Variants in FANCD2OS observed in about 807,000 individuals in gnomAD.
FANCD2OS encodes the protein FANCD2 opposite strand protein.
FANCD2OS carries 11 observed loss-of-function variants against 13.2 expected under a neutral mutation model. The ratio of observed to expected loss-of-function variants is 0.83; its 90% CI spans 0.52 to 1.38. The LOEUF (loss-of-function observed/expected upper bound fraction) is 1.38, where lower values mean the gene tolerates loss of function less well. FANCD2OS is among the 40% of genes most tolerant of loss of function. FANCD2OS has a pLI of 0.00. For missense variants in FANCD2OS, 217 were observed against 213.9 expected (o/e 1.01, Z -0.09); for synonymous variants, 69 against 84.5 (o/e 0.82, Z 1.01).
At chr3:10,090,210 C>A in intron 2 of FANCD2OS, 1 of 966,290 alleles carries the variant, frequency 1.0e-6, no homozygotes, top group Non-Finnish European at 1.7e-6. Context: ...GGGAAGGAAG[C>A]TACTTTTGGT....
intron 2 of FANCD2OS, among the ~76,000 whole-genome samples, chr3:10,084,701 A>G (rs998535791): frequency 2.8e-4 from 42 of 152,226 alleles, no homozygotes; most frequent in African/African-American, 1.0e-3. Context: ...CCCTCAGAAT[A>G]CATTTGTTGA....
At chr3:10,083,213 C>T (rs892940086) in intron 2 of FANCD2OS, among the ~76,000 whole-genome samples, 1 of 151,610 alleles carries the variant, frequency 6.6e-6, no homozygotes, top group Non-Finnish European at 1.5e-5. Context: ...GGCAACAGAA[C>T]CAGACCCCAT....
At position 10,104,681 on chromosome 3, in the gene FANCD2OS, G is replaced by C. The variant is rs1400321782; in HGVS notation, c.94C>G (p.Pro32Ala). 36 of 1,614,108 alleles carry C rather than the reference G, an allele frequency of 2.2e-5. No individual in the cohort carries two copies. Among genetic ancestry groups the C allele is most frequent in the Non-Finnish European group, 3.1e-5 (36 of 1,179,998 alleles). ...HTTPTPSSKH[P>A]FKASPCFPHT... The stretch of plus-strand genomic sequence containing the variant: ...GGGAAGCAGGGGGAGGCCTTGAATG[G>C]GTGCTTGGAGGAAGGTGTAGGTGTC... The change falls in exon 2 of 2, where the codon CCA becomes GCA. Residue 32 changes from proline to alanine, a missense_variant. By Grantham distance (27) the Pro-to-Ala change is conservative (BLOSUM62 -1). Transcript: ENST00000450660.
chr3:10,104,652 G>C lies in FANCD2OS; in HGVS notation c.123C>G (p.His41Gln), dbSNP rs751148561. The C allele has an allele frequency of 2.5e-6, 4 of 1,614,210 alleles. No individual in the cohort carries two copies. Among genetic ancestry groups the C allele is most frequent in the Non-Finnish European group, 3.4e-6 (4 of 1,180,050 alleles). ...GCTGCACTTCAAGGTCGGACGGTGT[G>C]TGTGGGAAGCAGGGGGAGGCCTTGA... ...HPFKASPCFPHTPSDLEVQLC... is the reference protein window; with the variant it reads ...HPFKASPCFPQTPSDLEVQLC... The change falls in exon 2 of 2, where the codon CAC becomes CAG. Residue 41 changes from histidine (H) to glutamine (Q), a missense_variant. Transcript: ENST00000450660.
Position 10,104,541 on chromosome 3 carries a change from C to T in FANCD2OS, c.234G>A (p.Glu78=), listed in dbSNP as rs1486620958. The T allele has an allele frequency of 1.2e-6, 2 of 1,614,100 alleles. No homozygotes were observed. The highest frequency in any genetic ancestry group is 1.7e-6 in the Non-Finnish European group (2 of 1,180,052). ...VSPKLPCHTS[E]LRTMNNKGLV... ...GTCCTTTGTTGTTCATCGTGCGCAA[C>T]TCTGATGTGTGGCAGGGTAACTTGG... Residue 78 remains glutamate (E), a synonymous_variant, in exon 2 of 2, where the codon GAG becomes GAA. Coordinates refer to ENST00000450660, the MANE Select transcript of FANCD2OS (RefSeq NM_001164839.2).
intron 2 of FANCD2OS, chr3:10,085,714 A>G: frequency 2.4e-6 from 2 of 840,228 alleles, no homozygotes; most frequent in Non-Finnish European, 4.2e-6. Flanking sequence ...TCAAACCGTT[A>G]AACTATTGAT....
At chr3:10,107,300 T>TTC (rs1559415789) in intron 1 of FANCD2OS, among the ~76,000 whole-genome samples, 9 of 151,840 alleles carry the variant, frequency 5.9e-5, no homozygotes, top group African/African-American at 1.5e-4. Context: ...TCTTTCTTTT[T>TTC]TTTTTGAGAC....
chr3:10,107,664 AGGTCGCGGCGCGGT>A (rs1261196902), intron 1 of FANCD2OS, among the ~76,000 whole-genome samples: 5 of 151,630 alleles, frequency 3.3e-5, no homozygotes, highest in African/African-American at 1.2e-4. Flanking sequence ...TGTCCAGCCT[AGGTCGCGGCGCGGT>A]GGCTCAGGCC....
chr3:10,106,323 A>C (rs1405890583), intron 1 of FANCD2OS, among the ~76,000 whole-genome samples: 1 of 152,222 alleles, frequency 6.6e-6, no homozygotes, highest in Non-Finnish European at 1.5e-5. Flanking sequence ...GGCTGTGAGG[A>C]TATTGCTAAC....
downstream of FANCD2OS, among the ~76,000 whole-genome samples, chr3:10,100,166 C>T (rs920457892): frequency 2.6e-5 from 4 of 152,154 alleles, no homozygotes; most frequent in Admixed American, 1.3e-4. Context: ...GATGACAGAG[C>T]GAGACCCTGT....
upstream of FANCD2OS, chr3:10,108,354 G>A (rs879912516): frequency 6.6e-6 from 1 of 152,212 alleles, no homozygotes; most frequent in Non-Finnish European, 1.5e-5. Context: ...CGGCGGGGAT[G>A]GGGGCTCGAG....
intron 2 of FANCD2OS, among the ~76,000 whole-genome samples, chr3:10,095,951 T>C (rs1270347194): frequency 6.6e-6 from 1 of 151,456 alleles, no homozygotes; most frequent in Admixed American, 6.6e-5. Context: ...GCACAATCTC[T>C]GCTCACTGCA....
At chr3:10,088,730 C>T in intron 2 of FANCD2OS, 1 of 1,341,196 alleles carries the variant, frequency 7.5e-7, no homozygotes. Context: ...TGTTAGCTAA[C>T]TGCTTATTGT....
intron 2 of FANCD2OS, among the ~76,000 whole-genome samples, chr3:10,084,709 TGAAAG>T (rs1462088161): frequency 2.0e-5 from 3 of 152,172 alleles, no homozygotes; most frequent in Non-Finnish European, 2.9e-5. Flanking sequence ...ATACATTTGT[TGAAAG>T]GAAGAATGAC....
At chr3:10,087,366 T>A in intron 2 of FANCD2OS, 1 of 1,139,446 alleles carries the variant, frequency 8.8e-7, no homozygotes, top group Non-Finnish European at 1.2e-6. Context: ...TACATGTAAA[T>A]CCCCACATAA....
Position 10,103,980 on chromosome 3 carries a change from C to T in FANCD2OS, c.*261G>A, listed in dbSNP as rs1485628399. 6.6e-6 allele frequency: 3 copies of T among 456,120 alleles called. No individual in the cohort carries two copies. The highest frequency in any genetic ancestry group is 4.0e-5 in the Admixed American group (1 of 24,966). The allele number at this position is 456,120 out of a possible 1,614,324, so 28.3% of individuals were successfully genotyped here. A position where few individuals can be genotyped will look rare whatever the true frequency, so the allele number is the denominator to read the frequency against. Reference sequence around the variant, plus strand: ...TCATTGGTTTATATCATTTGTTTAACGGTTATCACATGGACATGTCAATGC... The same window carrying T: ...TCATTGGTTTATATCATTTGTTTAATGGTTATCACATGGACATGTCAATGC... On this transcript the variant is annotated 3_prime_UTR_variant, in exon 2 of 2. Transcript: ENST00000450660.
downstream of FANCD2OS, chr3:10,101,413 A>C (rs1266060204): frequency 5.3e-6 from 3 of 561,498 alleles, no homozygotes; most frequent in South Asian, 1.9e-5. Flanking sequence ...AAAGACGGGG[A>C]CTCGCTGTGT....
In FANCD2OS at chr3:10,081,661, G is replaced by A. The variant is rs879779724; in HGVS notation, c.*44-130C>T. 1.6e-5 allele frequency: 10 copies of A among 615,430 alleles called. No individual in the cohort carries two copies. In the African/African-American group the frequency reaches 1.8e-4, roughly 11 times the overall value. 38.1% of individuals were successfully genotyped at this position (615,430 alleles called of 1,614,324 possible). On this transcript the variant is annotated intron_variant, in intron 2 of 2. Transcript: ENST00000524279. ...CCTCTGAGTCCTTTGGAGCCACTATGTTAACCCATTTGACAGATTAGGTGA... is the reference window on the plus strand; with the variant it reads ...CCTCTGAGTCCTTTGGAGCCACTATATTAACCCATTTGACAGATTAGGTGA...
intron 2 of FANCD2OS, among the ~76,000 whole-genome samples, chr3:10,084,473 T>C (rs902907962): frequency 6.6e-6 from 1 of 151,772 alleles, no homozygotes; most frequent in Non-Finnish European, 1.5e-5. Flanking sequence ...CTTTTTTTTT[T>C]CTTTGGTAGA....
Sources: allele counts gnomAD v4.1 joint callset (sites outside exome capture counted in the v4.1 genomes callset), GRCh38; gene constraint gnomAD v4.1.1; transcripts MANE v1.5; gene names NCBI Gene and HGNC (gene_info 2026-07-23, HGNC 2026-07-21).